Variants in DLG2 observed in about 807,000 individuals in gnomAD.
DLG2 encodes discs large MAGUK scaffold protein 2, also known as disks large homolog 2.
In DLG2, 45 loss-of-function variants were observed where a neutral mutation model predicts 132.5. The observed-to-expected ratio is 0.34, with a 90% CI of 0.27 to 0.44. The LOEUF is 0.44. DLG2 is among the 20% of genes least tolerant of loss of function. The pLI, the probability that DLG2 is intolerant of heterozygous loss-of-function variation, is 1.00. For missense variants in DLG2, 1,045 were observed against 1,196.9 expected (o/e 0.87, Z 1.87); for synonymous variants, 424 against 419.6 (o/e 1.01, Z -0.13).
intron 6 of DLG2, among the ~76,000 whole-genome samples, chr11:85,000,745 T>C (rs1275593279): frequency 6.6e-6 from 1 of 152,312 alleles, no homozygotes; most frequent in Non-Finnish European, 1.5e-5. Flanking sequence ...ATTTATATCC[T>C]AGCTCTGCTC....
chr11:84,773,250 C>T (rs1259853794), intron 6 of DLG2, among the ~76,000 whole-genome samples: 4 of 152,094 alleles, frequency 2.6e-5, no homozygotes, highest in African/African-American at 9.7e-5. Context: ...AAATCCTGAA[C>T]AGACCAATAA....
Position 83,621,058 on chromosome 11 carries a change from A to G in DLG2, c.1940+12153T>C, listed in dbSNP as rs931441996. 3.9e-5 allele frequency among the ~76,000 whole-genome samples: 6 copies of G among 152,030 alleles called. No homozygotes were observed. The East Asian group carries it at 1.2e-3, about 29-fold the overall frequency. ...TATCTAGTGAGGTTTTAAAACTACA[A>G]ATTTATAATATTTGGAGGACTTTTT... is the stretch of plus-strand genomic sequence containing the variant. On this transcript the variant is annotated intron_variant, in intron 19 of 27. Transcript: ENST00000376104.
At chr11:84,541,773 C>T (rs1179352699) in intron 6 of DLG2, among the ~76,000 whole-genome samples, 5 of 152,116 alleles carry the variant, frequency 3.3e-5, no homozygotes, top group Admixed American at 6.6e-5. Context: ...GCTGAGCTTG[C>T]ACGCAGTTAT....
intron 6 of DLG2, among the ~76,000 whole-genome samples, chr11:84,841,067 A>G (rs1230743753): frequency 6.6e-6 from 1 of 151,924 alleles, no homozygotes; most frequent in Non-Finnish European, 1.5e-5. Flanking sequence ...TTGCCACACT[A>G]TGCAGCAATA....
At chr11:84,850,040 TTGAC>T (rs1403349015) in intron 6 of DLG2, among the ~76,000 whole-genome samples, 6 of 152,144 alleles carry the variant, frequency 3.9e-5, no homozygotes, top group African/African-American at 1.4e-4. Flanking sequence ...TTGCCTTACT[TTGAC>T]TGATTAAAAA....
intron 6 of DLG2, among the ~76,000 whole-genome samples, chr11:84,631,795 G>GA (rs1299404307): frequency 6.6e-6 from 1 of 152,148 alleles, no homozygotes; most frequent in East Asian, 1.9e-4. Flanking sequence ...TGAAATAGTA[G>GA]AAAAAATGAT....
intron 6 of DLG2, among the ~76,000 whole-genome samples, chr11:84,646,019 AG>A: frequency 6.6e-6 from 1 of 152,300 alleles, no homozygotes; most frequent in East Asian, 1.9e-4. Flanking sequence ...ACTTCTGAGA[AG>A]GGGGCCAGCT....
At chr11:84,185,504 G>A (rs10736761) in intron 8 of DLG2, among the ~76,000 whole-genome samples, 129,453 of 152,052 alleles carry the variant, frequency 0.85, 55,305 homozygotes, top group Middle Eastern at 0.92. Flanking sequence ...ATATACAATC[G>A]TGTCATCTGC....
In DLG2 at chr11:85,562,978, T is replaced by G. The variant is rs115220851; in HGVS notation, c.40+35679A>C. On this transcript the variant is annotated intron_variant, in intron 3 of 27. Coordinates refer to ENST00000376104, the MANE Select transcript of DLG2 (RefSeq NM_001142699.3). ...TAATATCTTCAGGATTAAATATATA[T>G]TCTTTGGCTCACCTTTAAAGCCTTT... Among the ~76,000 whole-genome samples, 757 of 151,946 alleles carry G rather than the reference T, an allele frequency of 5.0e-3. 12 individuals are homozygous for G. Among genetic ancestry groups the G allele is most frequent in the African/African-American group, 0.017 (717 of 41,548 alleles).
Position 85,291,777 on chromosome 11 carries a change from G to T in DLG2, c.41-6412C>A, listed in dbSNP as rs7126860. Among the ~76,000 whole-genome samples the T allele has an allele frequency of 7.7e-3, 1,172 of 151,984 alleles. 7 individuals are homozygous for T. Among genetic ancestry groups the T allele is most frequent in the Non-Finnish European group, 0.013 (850 of 67,930 alleles). On this transcript the variant is annotated intron_variant, in intron 3 of 27. Transcript: ENST00000376104. Reference sequence around the variant, plus strand: ...TTTGTGTATCTTTAGTAGAGATAGGGTTTCACCACATTGGGCAGGCTGGTT... The same window carrying T: ...TTTGTGTATCTTTAGTAGAGATAGGTTTTCACCACATTGGGCAGGCTGGTT...
At chr11:83,491,218 A>G (rs1286597350) in intron 21 of DLG2, among the ~76,000 whole-genome samples, 1 of 151,468 alleles carries the variant, frequency 6.6e-6, no homozygotes, top group Non-Finnish European at 1.5e-5. Flanking sequence ...ATGAAGCACA[A>G]GGGGCTACCT....
intron 19 of DLG2, among the ~76,000 whole-genome samples, chr11:83,621,533 A>G (rs915969595): frequency 2.0e-5 from 3 of 152,064 alleles, no homozygotes; most frequent in Non-Finnish European, 4.4e-5. Context: ...CTTTTGAAAG[A>G]TTTGCTTTAG....
At chr11:84,682,445 AC>A (rs2099733672) in intron 6 of DLG2, among the ~76,000 whole-genome samples, 2 of 152,292 alleles carry the variant, frequency 1.3e-5, no homozygotes, top group Admixed American at 6.5e-5. Flanking sequence ...CTCTCTCAAC[AC>A]AGGCTTTGTG....
At chr11:85,024,071 T>C (rs1403994855) in intron 6 of DLG2, among the ~76,000 whole-genome samples, 1 of 152,166 alleles carries the variant, frequency 6.6e-6, no homozygotes, top group Non-Finnish European at 1.5e-5. Context: ...AGATTCTGGA[T>C]CTTACCATGT....
At chr11:84,367,176 A>T (rs569674760) in intron 7 of DLG2, among the ~76,000 whole-genome samples, 1 of 152,282 alleles carries the variant, frequency 6.6e-6, no homozygotes, top group Non-Finnish European at 1.5e-5. Flanking sequence ...AAAACTGCTC[A>T]ACTACATGGA....
At chr11:85,467,833 T>A (rs771548573) in intron 3 of DLG2, among the ~76,000 whole-genome samples, 2 of 152,222 alleles carry the variant, frequency 1.3e-5, no homozygotes, top group African/African-American at 2.4e-5. Context: ...ATAAAATGAG[T>A]TAGGGAGGAT....
intron 15 of DLG2, among the ~76,000 whole-genome samples, chr11:83,891,232 G>C (rs1169088427): frequency 6.6e-6 from 1 of 151,302 alleles, no homozygotes; most frequent in Non-Finnish European, 1.5e-5. Context: ...AAACATTATA[G>C]GATGAGTAGC....
intron 4 of DLG2, among the ~76,000 whole-genome samples, chr11:85,227,163 C>T (rs2075026582): frequency 1.3e-5 from 2 of 152,004 alleles, no homozygotes; most frequent in Admixed American, 6.6e-5. Flanking sequence ...ATTGCTGGGT[C>T]ATCCTGGTGA....
chr11:85,495,390 G>A (rs1238759902), intron 3 of DLG2, among the ~76,000 whole-genome samples: 1 of 152,012 alleles, frequency 6.6e-6, no homozygotes, highest in Non-Finnish European at 1.5e-5. Context: ...TCCATCTGAT[G>A]AAGGTCTAAT....
Sources: gnomAD v4.1 joint callset for allele counts (sites outside exome capture counted in the v4.1 genomes callset) on GRCh38, gnomAD v4.1.1 for gene constraint, MANE v1.5 for transcripts, NCBI Gene and HGNC (gene_info 2026-07-23, HGNC 2026-07-21) for gene names.